ATAD3B: variants seen among roughly 807,000 people sequenced by gnomAD.
ATAD3B encodes ATPase family AAA domain-containing protein 3B.
Under a neutral mutation model 70.2 loss-of-function variants are expected in ATAD3B, and 59 were observed. The ratio of observed to expected loss-of-function variants is 0.84; its 90% CI spans 0.68 to 1.04. The LOEUF is 1.04. Among genes scored for constraint, ATAD3B ranks in the 50% least tolerant of loss-of-function variants. ATAD3B has a pLI of 0.00. For missense variants in ATAD3B, 961 were observed against 913.4 expected (o/e 1.05, Z -0.67); for synonymous variants, 423 against 388.6 (o/e 1.09, Z -1.04).
chr1:1,489,400 A>T, intron 13 of ATAD3B, 126 bp downstream of exon 13: 2 of 1,517,212 alleles, frequency 1.3e-6, no homozygotes, highest in Non-Finnish European at 1.8e-6. Flanking sequence ...CCCACCTCAG[A>T]TGTCCCCTGG....
the ATAD3B span, chr1:1,503,639 T>G: frequency 1.2e-6 from 2 of 1,612,004 alleles, no homozygotes; most frequent in Non-Finnish European, 1.7e-6. Context: ...ACGCTGCAGT[T>G]GGAGCAACAG....
intron 1 of ATAD3B, among the ~76,000 whole-genome samples, chr1:1,475,969 G>A (rs1266437401): frequency 6.7e-6 from 1 of 149,908 alleles, no homozygotes; most frequent in Non-Finnish European, 1.5e-5. Flanking sequence ...CCACGTTCCT[G>A]TCACTGCTCT....
the ATAD3B span, chr1:1,509,156 G>A: frequency 6.3e-6 from 10 of 1,598,340 alleles, no homozygotes; most frequent in Non-Finnish European, 8.5e-6. Context: ...TGCATTTGGG[G>A]TGGGGGGTTC....
Position 1,486,054 on chromosome 1 carries a change from A to C in ATAD3B, c.964-56A>C, listed in dbSNP as rs1215644514. 8.6e-5 allele frequency: 138 copies of C among 1,610,912 alleles called. 3 individuals carry two copies. Among genetic ancestry groups the C allele is most frequent in the Non-Finnish European group, 1.1e-4 (128 of 1,178,750 alleles). On this transcript the variant is annotated intron_variant, in intron 9 of 15. Transcript: ENST00000673477. Reference sequence around the variant, plus strand: ...CCCGGGCATTCCCGCAGCCCCTGTCACCGAGGCTTCCGTGGGTGCAGAGTG... The same window carrying C: ...CCCGGGCATTCCCGCAGCCCCTGTCCCCGAGGCTTCCGTGGGTGCAGAGTG...
chr1:1,502,225 T>A (rs145442616), downstream of ATAD3B, among the ~76,000 whole-genome samples: 4,503 of 151,418 alleles, frequency 0.03, 87 homozygotes, highest in Admixed American at 0.048. Context: ...TCTCTCTTTT[T>A]TTTTTTGGAG....
chr1:1,500,648 T>C (rs1640922981), downstream of ATAD3B, among the ~76,000 whole-genome samples: 3 of 151,158 alleles, frequency 2.0e-5, no homozygotes, highest in African/African-American at 7.3e-5. Flanking sequence ...TGTGTATATA[T>C]ATATAAATGT....
At chr1:1,507,971 C>T in the ATAD3B span, among the ~76,000 whole-genome samples, 2 of 152,346 alleles carry the variant, frequency 1.3e-5, no homozygotes, top group South Asian at 2.1e-4. Flanking sequence ...CAGGAGGCCA[C>T]GTGACATTTA....
At chr1:1,486,767 C>A in intron 11 of ATAD3B, 99 bp downstream of exon 11, 3 of 1,484,022 alleles carry the variant, frequency 2.0e-6, no homozygotes, top group Non-Finnish European at 2.7e-6. Flanking sequence ...CCCTGTCTTT[C>A]TGCAGCTCTG....
At chr1:1,502,416 A>C (rs568987586), downstream of ATAD3B, among the ~76,000 whole-genome samples, 2 of 144,542 alleles carry the variant, frequency 1.4e-5, no homozygotes, top group Non-Finnish European at 3.0e-5. Context: ...GGGTTTCACC[A>C]TGTTAGCCAG....
At chr1:1,504,808 G>C in the ATAD3B span, among the ~76,000 whole-genome samples, 1 of 152,200 alleles carries the variant, frequency 6.6e-6, no homozygotes, top group Non-Finnish European at 1.5e-5. Flanking sequence ...GGGTCCTCAT[G>C]TGGCGGAGAG....
intron 8 of ATAD3B, 29 bp downstream of exon 8, chr1:1,485,200 G>A (rs896136152): frequency 3.1e-6 from 5 of 1,607,816 alleles, no homozygotes; most frequent in South Asian, 1.1e-5. Flanking sequence ...CCCTCCCTGA[G>A]TGCAGTTCCT....
At chr1:1,488,634 A>G (rs1483293041) in intron 12 of ATAD3B, among the ~76,000 whole-genome samples, 1 of 151,924 alleles carries the variant, frequency 6.6e-6, no homozygotes, top group Non-Finnish European at 1.5e-5. Flanking sequence ...TGGGGCACGC[A>G]TGTAATCCCA....
intron 2 of ATAD3B, 120 bp downstream of exon 2, chr1:1,477,470 AG>A: frequency 6.6e-7 from 1 of 1,510,400 alleles, no homozygotes; most frequent in East Asian, 2.4e-5. Context: ...CAGTGGGGCC[AG>A]GGCCGAGCTT....
intron 13 of ATAD3B, chr1:1,489,870 C>T (rs984021336): frequency 1.8e-5 from 22 of 1,216,444 alleles, no homozygotes; most frequent in African/African-American, 3.2e-5. Flanking sequence ...CCCGGGCCCC[C>T]GAGGTCCTGC....
intron 15 of ATAD3B, among the ~76,000 whole-genome samples, chr1:1,492,733 T>G (rs1398300241): frequency 6.6e-6 from 1 of 151,382 alleles, no homozygotes; most frequent in Non-Finnish European, 1.5e-5. Flanking sequence ...GGGTCAGGAG[T>G]TCAAGACCAG....
chr1:1,490,012 G>C (rs955115471), intron 13 of ATAD3B: 31 of 1,359,032 alleles, frequency 2.3e-5, no homozygotes, highest in African/African-American at 4.4e-5. Context: ...GAGGGTCAGC[G>C]GGGAAGTACC....
intron 1 of ATAD3B, among the ~76,000 whole-genome samples, chr1:1,473,349 C>T (rs920702140): frequency 6.7e-6 from 1 of 150,106 alleles, no homozygotes; most frequent in African/African-American, 2.5e-5. Flanking sequence ...AGGATGGTCT[C>T]GATCTCCTGA....
chr1:1,478,387 T>G lies in ATAD3B; in HGVS notation c.283-257T>G. 2.7e-6 allele frequency: 4 copies of G among 1,469,998 alleles called. No homozygotes were observed. In the Admixed American group the frequency reaches 6.9e-5, roughly 25 times the overall value. 91.1% of individuals were successfully genotyped at this position (1,469,998 alleles called of 1,614,324 possible). The stretch of plus-strand genomic sequence containing the variant: ...GCCTGGAGCTGCCCAGAAACAGCCT[T>G]GTGGGGTGGGGTTGGTGTCTGACCT... On this transcript the variant is annotated intron_variant, in intron 2 of 15. Coordinates refer to ENST00000673477, the MANE Select transcript of ATAD3B (RefSeq NM_031921.6).
chr1:1,477,438 C>A, intron 2 of ATAD3B, 88 bp downstream of exon 2: 1 of 1,589,832 alleles, frequency 6.3e-7, no homozygotes, highest in South Asian at 1.1e-5. Context: ...GTGGGTAGGG[C>A]CAGGGGCGTG....
Sources: gnomAD v4.1 joint callset for allele counts (sites outside exome capture counted in the v4.1 genomes callset) on GRCh38, gnomAD v4.1.1 for gene constraint, MANE v1.5 for transcripts, NCBI Gene and HGNC (gene_info 2026-07-23, HGNC 2026-07-21) for gene names.